The following SLC13A4 variants were observed in gnomAD, a reference collection of about 807,000 sequenced individuals.
SLC13A4 encodes the protein solute carrier family 13 member 4.
Under a neutral mutation model 72.7 loss-of-function variants are expected in SLC13A4, and 28 were observed. The ratio of observed to expected loss-of-function variants is 0.39; its 90% CI spans 0.29 to 0.53. The LOEUF (loss-of-function observed/expected upper bound fraction) is 0.53, where lower values mean the gene tolerates loss of function less well. Ranked by LOEUF, SLC13A4 falls within the 20% of genes least tolerant of loss-of-function variation. The probability of loss-of-function intolerance (pLI) is 0.78; values close to 1 mark genes in which losing one functional copy is unlikely to be tolerated. For missense variants in SLC13A4, 653 were observed against 788.0 expected (o/e 0.83, Z 2.05); for synonymous variants, 312 against 325.5 (o/e 0.96, Z 0.45).
At position 135,706,212 on chromosome 7, in the gene SLC13A4, C is replaced by T. The variant is rs1484669744; in HGVS notation, c.454G>A (p.Glu152Lys). The T allele has an allele frequency of 5.0e-6, 8 of 1,614,002 alleles. 1 individual carries two copies. Among genetic ancestry groups the T allele is most frequent in the Non-Finnish European group, 6.8e-6 (8 of 1,179,860 alleles). Reference protein sequence around the residue: ...STTAMVMPIVEAVLQELVSAE... With the variant: ...STTAMVMPIVKAVLQELVSAE... ...CTGACCAGCTCCTGCAGCACGGCCTCCACGATGGGCATCACCATGGCGGTG... is the reference window on the plus strand; with the variant it reads ...CTGACCAGCTCCTGCAGCACGGCCTTCACGATGGGCATCACCATGGCGGTG... The change falls in exon 4 of 16, where the codon GAG (glutamate) becomes AAG (lysine). Residue 152 changes from glutamate to lysine, a missense_variant. By Grantham distance (56) the Glu-to-Lys change is moderately conservative. Transcript: ENST00000682651.
rs533211625 is a variant in SLC13A4 at position 135,706,472 on chromosome 7, C to T, written c.366-172G>A. 1.6e-4 allele frequency among the ~76,000 whole-genome samples: 25 copies of T among 152,304 alleles called. No homozygotes were observed. The South Asian group carries it at 3.3e-3, about 20-fold the overall frequency. ...TCTGTACTCCCAATGCTTGGCACAGCGTAAGTATTAAAGCAATACTTCTTG... is the reference window on the plus strand; with the variant it reads ...TCTGTACTCCCAATGCTTGGCACAGTGTAAGTATTAAAGCAATACTTCTTG... On this transcript the variant is annotated intron_variant, in intron 3 of 15. Coordinates refer to ENST00000682651, the MANE Select transcript of SLC13A4 (RefSeq NM_001318192.2).
At chr7:135,691,926 T>C (rs993208829) in intron 11 of SLC13A4, 1 of 426,548 alleles carries the variant, frequency 2.3e-6, no homozygotes, top group Middle Eastern at 6.3e-4. Context: ...AGGAGTGGAG[T>C]TGGTTAGATA....
intron 2 of SLC13A4, among the ~76,000 whole-genome samples, chr7:135,715,798 C>T (rs534858619): frequency 6.6e-6 from 1 of 152,300 alleles, no homozygotes; most frequent in Admixed American, 6.5e-5. Context: ...GCTTAGAGGA[C>T]TTCAGAGGCA....
chr7:135,688,068 C>T (rs1482912514), intron 13 of SLC13A4, among the ~76,000 whole-genome samples: 1 of 151,800 alleles, frequency 6.6e-6, no homozygotes, highest in African/African-American at 2.4e-5. Context: ...CTCTGCCTCC[C>T]AGGTTCAAGC....
At chr7:135,701,538 AG>A (rs1796034997) in intron 7 of SLC13A4, 141 bp downstream of exon 7, 2 of 780,796 alleles carry the variant, frequency 2.6e-6, no homozygotes, top group South Asian at 3.3e-5. Context: ...TGGCGCACAC[AG>A]GCCAGACATG....
At position 135,691,589 on chromosome 7, in the gene SLC13A4, A is replaced by G. The variant is rs1267358247; in HGVS notation, c.1280T>C (p.Leu427Pro). 6.2e-7 allele frequency: 1 copy of G among 1,613,914 alleles called. No individual in the cohort carries two copies. Among genetic ancestry groups the G allele is most frequent in the Non-Finnish European group, 8.5e-7 (1 of 1,179,806 alleles). The change falls in exon 12 of 16, where the codon CTC becomes CCC. Residue 427 changes from leucine (L) to proline (P), a missense_variant. By Grantham distance (98) the Leu-to-Pro change is moderately conservative (BLOSUM62 -3). Coordinates refer to ENST00000682651, the MANE Select transcript of SLC13A4 (RefSeq NM_001318192.2). The part of the protein sequence containing the change: ...VSVFLGFLLF[L>P]IPAKKPCFGK... Reference sequence around the variant, plus strand: ...AAAGCAGGGCTTCTTCGCTGGAATGAGGAAGAGGAGGAAGCCAAGGAAGAC... The same window carrying G: ...AAAGCAGGGCTTCTTCGCTGGAATGGGGAAGAGGAGGAAGCCAAGGAAGAC...
At chr7:135,715,310 C>T (rs1796399234) in intron 2 of SLC13A4, among the ~76,000 whole-genome samples, 1 of 120,374 alleles carries the variant, frequency 8.3e-6, no homozygotes, top group African/African-American at 4.1e-5. Flanking sequence ...TATATCTAAG[C>T]ATGTGTATGT....
intron 3 of SLC13A4, chr7:135,707,761 C>T: frequency 5.6e-6 from 1 of 177,444 alleles, no homozygotes; most frequent in Non-Finnish European, 1.2e-5. Context: ...GAGAAGACAG[C>T]CACTTCCGGT....
chr7:135,711,137 G>A (rs1796291632), intron 2 of SLC13A4, among the ~76,000 whole-genome samples: 1 of 152,152 alleles, frequency 6.6e-6, no homozygotes, highest in African/African-American at 2.4e-5. Context: ...CGGCTTTGTG[G>A]CACAACTGGA....
intron 13 of SLC13A4, among the ~76,000 whole-genome samples, chr7:135,688,732 CTG>C (rs1795698054): frequency 6.6e-6 from 1 of 152,156 alleles, no homozygotes; most frequent in South Asian, 2.1e-4. Context: ...AATGTCAAAA[CTG>C]AAATTATTTC....
intron 8 of SLC13A4, among the ~76,000 whole-genome samples, chr7:135,695,944 C>T (rs3800765): frequency 0.29 from 43,708 of 151,990 alleles, 6,529 homozygotes; most frequent in Middle Eastern, 0.46. Flanking sequence ...TAGATATTAA[C>T]GGTGCCCATA....
At chr7:135,710,351 G>A (rs1796272692) in intron 2 of SLC13A4, among the ~76,000 whole-genome samples, 2 of 152,154 alleles carry the variant, frequency 1.3e-5, no homozygotes, top group Non-Finnish European at 2.9e-5. Flanking sequence ...AGCCGAGATC[G>A]CGCCACTGCA....
At chr7:135,693,921 A>G (rs1216954081) in intron 10 of SLC13A4, among the ~76,000 whole-genome samples, 1 of 152,106 alleles carries the variant, frequency 6.6e-6, no homozygotes, top group Non-Finnish European at 1.5e-5. Context: ...CCATGGCTAT[A>G]CCCTGGACTC....
At chr7:135,691,425 T>A in intron 12 of SLC13A4, 100 bp from the exon 13 acceptor site, 1 of 854,798 alleles carries the variant, frequency 1.2e-6, no homozygotes, top group Non-Finnish European at 1.8e-6. Flanking sequence ...GATACTGCTA[T>A]TTGGGGCGGG....
intron 1 of SLC13A4, among the ~76,000 whole-genome samples, chr7:135,725,144 C>G (rs1468317482): frequency 6.6e-6 from 1 of 152,182 alleles, no homozygotes; most frequent in Non-Finnish European, 1.5e-5. Flanking sequence ...ATGCTATCTA[C>G]TATTTTTTGG....
At chr7:135,722,214 C>A (rs1035796926) in intron 1 of SLC13A4, among the ~76,000 whole-genome samples, 36 of 152,066 alleles carry the variant, frequency 2.4e-4, no homozygotes, top group Non-Finnish European at 4.1e-4. Flanking sequence ...CCATTGCACT[C>A]CAGCTTGGAC....
chr7:135,715,199 G>C (rs982349277), intron 2 of SLC13A4, among the ~76,000 whole-genome samples: 2 of 151,008 alleles, frequency 1.3e-5, no homozygotes, highest in African/African-American at 4.9e-5. Flanking sequence ...GTGTGTATGA[G>C]TGTATGTGTG....
intron 8 of SLC13A4, among the ~76,000 whole-genome samples, chr7:135,698,933 T>C (rs1244259429): frequency 6.6e-6 from 1 of 151,916 alleles, no homozygotes; most frequent in East Asian, 1.9e-4. Context: ...GCGCCCGGCC[T>C]TTTTTTTGTT....
At chr7:135,726,204 G>GA (rs568491822) in intron 1 of SLC13A4, among the ~76,000 whole-genome samples, 9 of 151,952 alleles carry the variant, frequency 5.9e-5, no homozygotes, top group South Asian at 2.1e-4. Flanking sequence ...GCCACAAAAA[G>GA]AAAAAAAATC....
Sources: gnomAD v4.1 joint callset for allele counts (sites outside exome capture counted in the v4.1 genomes callset) on GRCh38, gnomAD v4.1.1 for gene constraint, MANE v1.5 for transcripts, NCBI Gene and HGNC (gene_info 2026-07-23, HGNC 2026-07-21) for gene names.